NET1: variants seen among roughly 807,000 people sequenced by gnomAD.
NET1 encodes neuroepithelial cell-transforming gene 1 protein.
In NET1, 42 loss-of-function variants were observed where a neutral mutation model predicts 61.1. The observed-to-expected ratio is 0.69, with a 90% CI of 0.54 to 0.89. The LOEUF (loss-of-function observed/expected upper bound fraction) is 0.89. Ranked by LOEUF, NET1 falls within the 40% of genes least tolerant of loss-of-function variation. The probability of loss-of-function intolerance (pLI) is 0.00; values close to 1 mark genes in which losing one functional copy is unlikely to be tolerated. For missense variants in NET1, 654 were observed against 747.3 expected (o/e 0.88, Z 1.46); for synonymous variants, 254 against 281.8 (o/e 0.90, Z 0.99).
At chr10:5,445,464 A>AT (rs150546794) in intron 3 of NET1, among the ~76,000 whole-genome samples, 74 of 151,456 alleles carry the variant, frequency 4.9e-4, no homozygotes, top group Admixed American at 2.2e-3. Flanking sequence ...TATGAAGCCT[A>AT]TTTTTTTTTA....
chr10:5,412,837 G>A lies in NET1; in HGVS notation c.128+17G>A. 7.4e-7 allele frequency: 1 copy of A among 1,354,152 alleles called. No individual in the cohort carries two copies. 83.9% of individuals were successfully genotyped at this position (1,354,152 alleles called of 1,614,324 possible). On this transcript the variant is annotated intron_variant, in intron 1 of 11. Coordinates refer to ENST00000355029, the MANE Select transcript of NET1 (RefSeq NM_001047160.3). The surrounding 1 kb of genome is among the most constrained non-coding windows in gnomAD (Gnocchi z 6.5). ...GGACGGGAGGTGAGTGTGGGGGAGG[G>A]GAGGGCCGAACGGGAGGTGAGTGTA...
Position 5,417,359 on chromosome 10 carries a change from C to G in NET1, c.128+4539C>G, listed in dbSNP as rs1330494783. Among the ~76,000 whole-genome samples the G allele has an allele frequency of 6.6e-6, 1 of 152,102 alleles. No homozygotes were observed. Among genetic ancestry groups the G allele is most frequent in the East Asian group, 1.9e-4 (1 of 5,178 alleles). ...CATTTGGGTAGGAAAACAGAAATGCCTATCCTCACTTAGGTCCGTGGGCCC... is the reference window on the plus strand; with the variant it reads ...CATTTGGGTAGGAAAACAGAAATGCGTATCCTCACTTAGGTCCGTGGGCCC... On this transcript the variant is annotated intron_variant, in intron 1 of 11. Transcript: ENST00000355029. This position sits in a 1 kb window ranked among gnomAD's most constrained non-coding sequence, Gnocchi z 5.5.
At position 5,443,389 on chromosome 10, in the gene NET1, C is replaced by T. The variant is rs1299619893; in HGVS notation, c.256-8441C>T. Among the ~76,000 whole-genome samples, 2 of 152,190 alleles carry T rather than the reference C, an allele frequency of 1.3e-5. No homozygotes were observed. The highest frequency in any genetic ancestry group is 3.8e-4 in the East Asian group (2 of 5,204). On this transcript the variant is annotated intron_variant, in intron 3 of 11. Coordinates refer to ENST00000355029, the MANE Select transcript of NET1 (RefSeq NM_001047160.3). This position sits in a 1 kb window ranked among gnomAD's most constrained non-coding sequence, Gnocchi z 4.8. ...AAAGTAATTGAGATAATAAGTACTT[C>T]ATAGAGTTGATTAAATAACATATAG... is the stretch of plus-strand genomic sequence containing the variant.
intron 1 of NET1, among the ~76,000 whole-genome samples, chr10:5,414,362 C>T (rs7904684): frequency 0.97 from 147,724 of 152,326 alleles, 71,752 homozygotes; most frequent in Non-Finnish European, 1. Context: ...GATCAGTTTG[C>T]CTTCCATGAG....
At chr10:5,419,720 T>TGTTGTG (rs1248842027) in intron 1 of NET1, among the ~76,000 whole-genome samples, 53 of 151,932 alleles carry the variant, frequency 3.5e-4, no homozygotes, top group Non-Finnish European at 6.0e-4. Flanking sequence ...TTGTTGTTGT[T>TGTTGTG]GTTGTTGTTG....
intron 1 of NET1, among the ~76,000 whole-genome samples, chr10:5,419,766 T>A (rs1473205881): frequency 6.6e-6 from 1 of 152,134 alleles, no homozygotes; most frequent in Non-Finnish European, 1.5e-5. Flanking sequence ...TCTCCTTCAT[T>A]CTCGAAAGAT....
intron 1 of NET1, among the ~76,000 whole-genome samples, chr10:5,419,931 G>A (rs959131414): frequency 6.6e-6 from 1 of 151,890 alleles, no homozygotes; most frequent in Admixed American, 6.6e-5. Context: ...TTCTCTTGCT[G>A]CTTTTAAGAT....
In NET1 at chr10:5,417,193, C is replaced by G. The variant is rs765825821; in HGVS notation, c.128+4373C>G. 6.6e-6 allele frequency among the ~76,000 whole-genome samples: 1 copy of G among 151,178 alleles called. No individual in the cohort carries two copies. The highest frequency in any genetic ancestry group is 1.5e-5 in the Non-Finnish European group (1 of 67,784). On this transcript the variant is annotated intron_variant, in intron 1 of 11. Transcript: ENST00000355029. The surrounding 1 kb of genome is among the most constrained non-coding windows in gnomAD (Gnocchi z 5.5). ...CCAGCGTGCTGGTGTACTCCCACGT[C>G]GATGTGTTCCTCTTGACATCCAGCC... is the stretch of plus-strand genomic sequence containing the variant.
rs939122127 is a variant in NET1 at position 5,426,989 on chromosome 10, A to G, written c.195+268A>G. ...TGCCATCCTTTCTCTTATTCCTTTC[A>G]ATGTTAAATCTGATAATATATTATG... On this transcript the variant is annotated intron_variant, in intron 2 of 11. Coordinates refer to ENST00000355029, the MANE Select transcript of NET1 (RefSeq NM_001047160.3). The surrounding 1 kb of genome is among the most constrained non-coding windows in gnomAD (Gnocchi z 4.6). Among the ~76,000 whole-genome samples, 4 of 152,134 alleles carry G rather than the reference A, an allele frequency of 2.6e-5. No homozygotes were observed. The highest frequency in any genetic ancestry group is 9.7e-5 in the African/African-American group (4 of 41,450).
chr10:5,454,844 C>T lies in NET1; in HGVS notation c.1027-104C>T. 7 of 1,123,974 alleles carry T rather than the reference C, an allele frequency of 6.2e-6. No homozygotes were observed. Among genetic ancestry groups the T allele is most frequent in the Admixed American group, 2.1e-5 (1 of 48,728 alleles). 69.6% of individuals were successfully genotyped at this position (1,123,974 alleles called of 1,614,324 possible). A position where few individuals can be genotyped will look rare whatever the true frequency, so the allele number is the denominator to read the frequency against. On this transcript the variant is annotated intron_variant, in intron 9 of 11. Coordinates refer to ENST00000355029, the MANE Select transcript of NET1 (RefSeq NM_001047160.3). The surrounding 1 kb of genome is among the most constrained non-coding windows in gnomAD (Gnocchi z 8.1). The stretch of plus-strand genomic sequence containing the variant: ...AATTAACTGATTTCTAGAGTCCCTT[C>T]AAGCTTTAAAGTTCTTCCATTCCAT...
At position 5,453,311 on chromosome 10, in the gene NET1, T is replaced by A. The variant is rs1286430184; in HGVS notation, c.656T>A (p.Phe219Tyr). Residue 219 changes from phenylalanine (F) to tyrosine (Y), a missense_variant, in exon 7 of 12, where the codon TTT becomes TAT. Coordinates refer to ENST00000355029, the MANE Select transcript of NET1 (RefSeq NM_001047160.3). This position sits in a 1 kb window ranked among gnomAD's most constrained non-coding sequence, Gnocchi z 4.9. The stretch of plus-strand genomic sequence containing the variant: ...TCAGAAGAGGAACTCACACATATAT[T>A]TGGTGATCTGGACTCTTACATACCT... ...IMSEEELTHIFGDLDSYIPLH... is the reference protein window; with the variant it reads ...IMSEEELTHIYGDLDSYIPLH... 1 of 1,612,918 alleles carries A rather than the reference T, an allele frequency of 6.2e-7. No individual in the cohort carries two copies. Among genetic ancestry groups the A allele is most frequent in the Non-Finnish European group, 8.5e-7 (1 of 1,179,022 alleles).
rs182764043 is a variant in NET1, at chr10:5,441,158, C to T, written c.256-10672C>T. On this transcript the variant is annotated intron_variant, in intron 3 of 11. Coordinates refer to ENST00000355029, the MANE Select transcript of NET1 (RefSeq NM_001047160.3). The surrounding 1 kb of genome is among the most constrained non-coding windows in gnomAD (Gnocchi z 4.6). Reference sequence around the variant, plus strand: ...ACACACCACAGACTTCTCCTCTCAACGGACTGAAGAGGGGAGCTTTTATCC... The same window carrying T: ...ACACACCACAGACTTCTCCTCTCAATGGACTGAAGAGGGGAGCTTTTATCC... 7.9e-5 allele frequency among the ~76,000 whole-genome samples: 12 copies of T among 152,354 alleles called. No homozygotes were observed. Among genetic ancestry groups the T allele is most frequent in the African/African-American group, 2.4e-4 (10 of 41,592 alleles).
Position 5,446,567 on chromosome 10 carries a change from G to T in NET1, c.256-5263G>T, listed in dbSNP as rs535112118. ...CCAGGGCCCGGTTGGCTGTGGCCCCGCCCCCGAGCCCTGGGGTCGGTGCTT... is the reference window on the plus strand; with the variant it reads ...CCAGGGCCCGGTTGGCTGTGGCCCCTCCCCCGAGCCCTGGGGTCGGTGCTT... On this transcript the variant is annotated intron_variant, in intron 3 of 11. Coordinates refer to ENST00000355029, the MANE Select transcript of NET1 (RefSeq NM_001047160.3). The surrounding 1 kb of genome is among the most constrained non-coding windows in gnomAD (Gnocchi z 5.0). The T allele has an allele frequency of 2.6e-6, 3 of 1,164,966 alleles. No individual in the cohort carries two copies. In the East Asian group the frequency reaches 1.2e-4, roughly 45 times the overall value. 72.2% of individuals were successfully genotyped at this position (1,164,966 alleles called of 1,614,324 possible).
In NET1 at chr10:5,456,761, G is replaced by A. The variant is rs34821949; in HGVS notation, c.1558G>A (p.Glu520Lys). ...PELQGLPELH[E>K]ECEGNHPSAR... is the part of the protein sequence containing the mutation. ...GCTGCAGGGCCTGCCGGAGCTGCAC[G>A]AAGAGTGTGAGGGGAACCACCCCTC... The change falls in exon 12 of 12, where the codon GAA becomes AAA. Residue 520 changes from glutamate to lysine, a missense_variant. Glu to Lys is a moderately conservative substitution (Grantham distance 56, BLOSUM62 1). Coordinates refer to ENST00000355029, the MANE Select transcript of NET1 (RefSeq NM_001047160.3). This position sits in a 1 kb window ranked among gnomAD's most constrained non-coding sequence, Gnocchi z 7.0. The A allele has an allele frequency of 2.7e-3, 4,279 of 1,613,840 alleles. 94 individuals carry two copies. In the Admixed American group the frequency reaches 0.051, roughly 19 times the overall value.
Position 5,452,603 on chromosome 10 carries a change from TG to T in NET1, c.531+79del. 2 of 1,445,998 alleles carry T rather than the reference TG, an allele frequency of 1.4e-6. No homozygotes were observed. The highest frequency in any genetic ancestry group is 1.9e-6 in the Non-Finnish European group (2 of 1,061,184). 89.6% of individuals were successfully genotyped at this position (1,445,998 alleles called of 1,614,324 possible). On this transcript the variant is annotated intron_variant, in intron 5 of 11. Transcript: ENST00000355029. The surrounding 1 kb of genome is among the most constrained non-coding windows in gnomAD (Gnocchi z 4.0). Reference sequence around the variant, plus strand: ...CGATGGCAAAATTAACTTGGATTTTTGTGTTTGAGCAACAATTCCTAATACA... The same window carrying T: ...CGATGGCAAAATTAACTTGGATTTTTTGTTTGAGCAACAATTCCTAATACA...
Position 5,459,054 on chromosome 10 carries a change from A to G in NET1, c.*2060A>G, listed in dbSNP as rs938664383. The stretch of plus-strand genomic sequence containing the variant: ...TCTATTAAATGAATGTTCTTCAGAA[A>G]TAGCACCTGTGTTTGAGAGCATTCA... On this transcript the variant is annotated 3_prime_UTR_variant, in exon 12 of 12. Transcript: ENST00000355029. 2.6e-5 allele frequency among the ~76,000 whole-genome samples: 4 copies of G among 152,206 alleles called. No individual in the cohort carries two copies. Among genetic ancestry groups the G allele is most frequent in the Non-Finnish European group, 5.9e-5 (4 of 68,036 alleles).
At chr10:5,450,889 T>C (rs184589276) in intron 3 of NET1, among the ~76,000 whole-genome samples, 34 of 152,370 alleles carry the variant, frequency 2.2e-4, no homozygotes, top group Admixed American at 1.1e-3. Context: ...GCTATATTAT[T>C]ATTTAAAAGC....
Position 5,453,440 on chromosome 10 carries a change from T to A in NET1, c.692-44T>A. The A allele has an allele frequency of 1.2e-6, 2 of 1,603,112 alleles. No individual in the cohort carries two copies. Among genetic ancestry groups the A allele is most frequent in the Non-Finnish European group, 1.7e-6 (2 of 1,169,946 alleles). ...TCTAATGTAGTGCTGACCTATTTTTTAAATAAACCTGTTAATGGTGTTTAT... is the reference window on the plus strand; with the variant it reads ...TCTAATGTAGTGCTGACCTATTTTTAAAATAAACCTGTTAATGGTGTTTAT... On this transcript the variant is annotated intron_variant, in intron 7 of 11. Transcript: ENST00000355029. This position sits in a 1 kb window ranked among gnomAD's most constrained non-coding sequence, Gnocchi z 4.9.
In NET1 at chr10:5,456,404, C is replaced by T; in HGVS notation, c.1384+131C>T. Reference sequence around the variant, plus strand: ...TACTTGTTACATCCATTGAGTTGTCCAGGCCTTCCCAGCTCGAACACCCGC... The same window carrying T: ...TACTTGTTACATCCATTGAGTTGTCTAGGCCTTCCCAGCTCGAACACCCGC... On this transcript the variant is annotated intron_variant, in intron 11 of 11. Coordinates refer to ENST00000355029, the MANE Select transcript of NET1 (RefSeq NM_001047160.3). This position sits in a 1 kb window ranked among gnomAD's most constrained non-coding sequence, Gnocchi z 7.0. The T allele has an allele frequency of 9.4e-7, 1 of 1,061,170 alleles. No individual in the cohort carries two copies. Among genetic ancestry groups the T allele is most frequent in the Non-Finnish European group, 1.3e-6 (1 of 754,472 alleles). 65.7% of individuals were successfully genotyped at this position (1,061,170 alleles called of 1,614,324 possible).
Sources: gnomAD v4.1 joint callset for allele counts (sites outside exome capture counted in the v4.1 genomes callset) on GRCh38, gnomAD v4.1.1 for gene constraint, Gnocchi (gnomAD v3.1) non-coding constraint, MANE v1.5 for transcripts, NCBI Gene and HGNC (gene_info 2026-07-23, HGNC 2026-07-21) for gene names.